Variants in GALNT9 observed in about 807,000 individuals in gnomAD.
The protein encoded by GALNT9 is GalNAc transferase 9.
In GALNT9, 47 loss-of-function variants were observed where a neutral mutation model predicts 63.1. That is an observed-to-expected ratio of 0.75 (90% CI 0.59 to 0.95). GALNT9 has a LOEUF of 0.95. Among genes scored for constraint, GALNT9 ranks in the 40% least tolerant of loss-of-function variants. The pLI is 0.00. For synonymous variants in GALNT9, 396 were observed against 365.7 expected (o/e 1.08, Z -0.94); for missense variants, 829 against 874.8 (o/e 0.95, Z 0.66).
In GALNT9 at chr12:132,260,939, G is replaced by C. The variant is rs550871544; in HGVS notation, c.761+9C>G. The C allele has an allele frequency of 1.3e-6, 2 of 1,532,352 alleles. No individual in the cohort carries two copies. Among genetic ancestry groups the C allele is most frequent in the African/African-American group, 1.4e-5 (1 of 72,052 alleles). The allele number at this position is 1,532,352 out of a possible 1,614,324, so 94.9% of individuals were successfully genotyped here. On this transcript the variant is annotated intron_variant, in intron 4 of 10. Transcript: ENST00000328957. Reference sequence around the variant, plus strand: ...TGAGACTGGCTGTCCAGCCTGTTCCGGCCCTTACCAGCCCGTGTTGAACTC... The same window carrying C: ...TGAGACTGGCTGTCCAGCCTGTTCCCGCCCTTACCAGCCCGTGTTGAACTC...
intron 6 of GALNT9, among the ~76,000 whole-genome samples, chr12:132,218,951 C>T (rs749163685): frequency 4.6e-5 from 7 of 152,150 alleles, no homozygotes; most frequent in Non-Finnish European, 8.8e-5. Flanking sequence ...CTGGAACCCC[C>T]AAGAACCGCA....
intron 6 of GALNT9, among the ~76,000 whole-genome samples, chr12:132,235,610 C>G (rs1325177950): frequency 2.6e-5 from 4 of 152,188 alleles, no homozygotes; most frequent in African/African-American, 9.7e-5. Flanking sequence ...TCCACCCACC[C>G]CACAGCAGCC....
chr12:132,260,963 T>C lies in GALNT9; in HGVS notation c.746A>G (p.Glu249Gly). Residue 249 changes from glutamate to glycine, a missense_variant, in exon 4 of 11, where the codon GAG becomes GGG. Transcript: ENST00000328957. Reference protein sequence around the residue: ...PVVGFFDAHVEFNTGWAEPAL... With the variant: ...PVVGFFDAHVGFNTGWAEPAL... ...CGGCCCTTACCAGCCCGTGTTGAAC[T>C]CGACGTGGGCATCAAAGAAGCCGAC... 6.5e-7 allele frequency: 1 copy of C among 1,545,396 alleles called. No individual in the cohort carries two copies. Among genetic ancestry groups the C allele is most frequent in the Non-Finnish European group, 8.7e-7 (1 of 1,145,062 alleles).
intron 6 of GALNT9, chr12:132,247,663 C>A: frequency 2.5e-6 from 1 of 397,606 alleles, no homozygotes; most frequent in Non-Finnish European, 4.5e-6. Context: ...CTCGCCCTCA[C>A]CCCGTCCCCG....
intron 6 of GALNT9, among the ~76,000 whole-genome samples, chr12:132,214,609 C>T (rs1334558352): frequency 2.6e-5 from 4 of 151,446 alleles, no homozygotes; most frequent in African/African-American, 7.2e-5. Context: ...GGAAGCCAGG[C>T]CCCCCAGGCC....
chr12:132,308,005 C>G (rs1298504565), intron 1 of GALNT9, among the ~76,000 whole-genome samples: 1 of 151,348 alleles, frequency 6.6e-6, no homozygotes, highest in Non-Finnish European at 1.5e-5. Context: ...CACTGCACTC[C>G]AGCCTGGGCA....
intron 2 of GALNT9, chr12:132,275,208 T>G (rs965694377): frequency 1.3e-5 from 2 of 152,366 alleles, no homozygotes; most frequent in African/African-American, 4.8e-5. Flanking sequence ...GCTTCCCTCC[T>G]CCTTCCCATA....
Position 132,197,051 on chromosome 12 carries a change from C to A in GALNT9, c.*56G>T. The A allele has an allele frequency of 6.3e-7, 1 of 1,598,316 alleles. No individual in the cohort carries two copies. The highest frequency in any genetic ancestry group is 1.1e-5 in the South Asian group (1 of 89,392). On this transcript the variant is annotated 3_prime_UTR_variant, in exon 11 of 11. Coordinates refer to ENST00000328957, the MANE Select transcript of GALNT9 (RefSeq NM_001122636.2). ...CGGGCACACCCCGGTCACTCAGCCA[C>A]ACTGGCTCGGCCCAGCGCCTTCCCG...
chr12:132,199,854 G>C (rs973808892), intron 8 of GALNT9, among the ~76,000 whole-genome samples: 7 of 152,174 alleles, frequency 4.6e-5, no homozygotes, highest in Non-Finnish European at 1.0e-4. Flanking sequence ...TCGTGAGCAA[G>C]TGTAGATGCT....
At chr12:132,275,922 C>A (rs767255559) in intron 2 of GALNT9, 1 of 152,602 alleles carries the variant, frequency 6.6e-6, no homozygotes, top group Admixed American at 6.5e-5. Context: ...CCAGGCCACC[C>A]GCACAGTGGG....
In GALNT9 at chr12:132,252,233, C is replaced by T. The variant is rs1158276140; in HGVS notation, c.960-4206G>A. ...AACTCTGCAGGGAGCAAAGAGGCCT[C>T]CAAAGATGAGCCACAGGCGGCTGTG... On this transcript the variant is annotated intron_variant, in intron 5 of 10. Transcript: ENST00000328957. This position sits in a 1 kb window ranked among gnomAD's most constrained non-coding sequence, Gnocchi z 5.2. Among the ~76,000 whole-genome samples, 2 of 152,152 alleles carry T rather than the reference C, an allele frequency of 1.3e-5. No homozygotes were observed. The highest frequency in any genetic ancestry group is 4.8e-5 in the African/African-American group (2 of 41,420).
intron 6 of GALNT9, among the ~76,000 whole-genome samples, chr12:132,215,892 G>T (rs1478266314): frequency 6.6e-6 from 1 of 152,056 alleles, no homozygotes; most frequent in Non-Finnish European, 1.5e-5. Flanking sequence ...GAGTAGGGTT[G>T]GGGGGTGCTT....
chr12:132,304,754 C>T lies in GALNT9; in HGVS notation c.239-18324G>A, dbSNP rs1378187544. Among the ~76,000 whole-genome samples, 3 of 62,306 alleles carry T rather than the reference C, an allele frequency of 4.8e-5. 1 individual carries two copies. The highest frequency in any genetic ancestry group is 7.3e-4 in the South Asian group (1 of 1,368). The allele number at this position is 62,306 out of a possible 152,430, so 40.9% of individuals were successfully genotyped here. A position where few individuals can be genotyped will look rare whatever the true frequency, so the allele number is the denominator to read the frequency against. ...GCACACCCTCACCCAGACACAGCCTCGCCCGGGCACACCCTCACCCGGGCA... is the reference window on the plus strand; with the variant it reads ...GCACACCCTCACCCAGACACAGCCTTGCCCGGGCACACCCTCACCCGGGCA... On this transcript the variant is annotated intron_variant, in intron 1 of 10. Transcript: ENST00000328957.
chr12:132,198,556 G>A (rs1593457667), intron 9 of GALNT9, among the ~76,000 whole-genome samples: 1 of 145,488 alleles, frequency 6.9e-6, no homozygotes, highest in Non-Finnish European at 1.5e-5. Flanking sequence ...CCCACACTTC[G>A]CTTCAATCAC....
rs1267956132 is a variant in GALNT9 at position 132,196,545 on chromosome 12, G to A, written c.*562C>T. On this transcript the variant is annotated 3_prime_UTR_variant, in exon 11 of 11. Transcript: ENST00000328957. ...CTCTCTTTATTTGGTCTCTGCTGAA[G>A]CAGTCGTGCCAGCCTCCTAGACACG... The A allele has an allele frequency of 3.0e-6, 3 of 986,316 alleles. No homozygotes were observed. The highest frequency in any genetic ancestry group is 3.6e-6 in the Non-Finnish European group (3 of 830,584). The allele number at this position is 986,316 out of a possible 1,614,324, so 61.1% of individuals were successfully genotyped here. A position where few individuals can be genotyped will look rare whatever the true frequency, so the allele number is the denominator to read the frequency against.
intron 1 of GALNT9, among the ~76,000 whole-genome samples, chr12:132,307,061 C>T (rs1555244722): frequency 6.6e-6 from 1 of 151,988 alleles, no homozygotes; most frequent in Non-Finnish European, 1.5e-5. Flanking sequence ...GCTTCCCAGC[C>T]ACCTCCTCTC....
At chr12:132,268,989 C>T (rs959737594) in intron 2 of GALNT9, among the ~76,000 whole-genome samples, 1 of 152,188 alleles carries the variant, frequency 6.6e-6, no homozygotes, top group Admixed American at 6.5e-5. Flanking sequence ...AAACATAAAA[C>T]GTGTGGATAT....
chr12:132,257,625 C>T (rs569315017), intron 5 of GALNT9, 64 bp downstream of exon 5: 61 of 1,326,006 alleles, frequency 4.6e-5, no homozygotes, highest in African/African-American at 3.9e-4. Context: ...TCCCCACGCC[C>T]GCCTCGCTCT....
At chr12:132,230,930 T>C (rs1003952019) in intron 6 of GALNT9, among the ~76,000 whole-genome samples, 62 of 152,228 alleles carry the variant, frequency 4.1e-4, no homozygotes, top group African/African-American at 1.5e-3. Context: ...CCTCACACTC[T>C]TCTGGGCACT....
Sources: gnomAD v4.1 joint callset for allele counts (sites outside exome capture counted in the v4.1 genomes callset) on GRCh38, gnomAD v4.1.1 for gene constraint, Gnocchi (gnomAD v3.1) non-coding constraint, MANE v1.5 for transcripts, NCBI Gene and HGNC (gene_info 2026-07-23, HGNC 2026-07-21) for gene names.